The following XPOT variants were observed in gnomAD, a reference collection of about 807,000 sequenced individuals.
XPOT encodes the protein exportin for tRNA.
XPOT carries 34 observed loss-of-function variants against 128.2 expected under a neutral mutation model. That is an observed-to-expected ratio of 0.27 (90% CI 0.20 to 0.35). The LOEUF (loss-of-function observed/expected upper bound fraction) is 0.35, where lower values mean the gene tolerates loss of function less well. Ranked by LOEUF, XPOT falls within the 10% of genes least tolerant of loss-of-function variation. XPOT has a pLI of 1.00. For missense variants in XPOT, 838 were observed against 1,125.3 expected (o/e 0.74, Z 3.65); for synonymous variants, 348 against 394.3 (o/e 0.88, Z 1.39).
intron 23 of XPOT, among the ~76,000 whole-genome samples, chr12:64,439,717 T>C (rs2040310044): frequency 6.6e-6 from 1 of 152,226 alleles, no homozygotes; most frequent in African/African-American, 2.4e-5. Context: ...TCATTGTGTG[T>C]ACACCAAGCT....
intron 15 of XPOT, among the ~76,000 whole-genome samples, chr12:64,427,457 G>C (rs937044811): frequency 2.6e-5 from 4 of 151,884 alleles, no homozygotes; most frequent in Non-Finnish European, 5.9e-5. Flanking sequence ...CTGCTCATCA[G>C]CCAAGTACTT....
At chr12:64,434,975 C>A in intron 21 of XPOT, 66 bp downstream of exon 21, 1 of 1,302,730 alleles carries the variant, frequency 7.7e-7, no homozygotes, top group Non-Finnish European at 1.1e-6. Context: ...TCTTTAATGC[C>A]AGGTTGATTA....
intron 16 of XPOT, among the ~76,000 whole-genome samples, chr12:64,429,556 C>T (rs936096531): frequency 6.6e-6 from 1 of 151,446 alleles, no homozygotes; most frequent in Non-Finnish European, 1.5e-5. Flanking sequence ...AGTTCTCCTG[C>T]CTCAGCCTCC....
At chr12:64,423,331 C>A in intron 11 of XPOT, 87 bp downstream of exon 11, 1 of 907,894 alleles carries the variant, frequency 1.1e-6, no homozygotes, top group Non-Finnish European at 1.6e-6. Context: ...TGTTTCGGGG[C>A]CCTTTAAAAC....
At chr12:64,419,704 C>T (rs1158714277) in intron 6 of XPOT, among the ~76,000 whole-genome samples, 1 of 152,158 alleles carries the variant, frequency 6.6e-6, no homozygotes, top group Non-Finnish European at 1.5e-5. Flanking sequence ...TTTAATACTG[C>T]TATATAGTCC....
At chr12:64,446,623 A>AT (rs144576382) in intron 24 of XPOT, among the ~76,000 whole-genome samples, 24,496 of 143,118 alleles carry the variant, frequency 0.17, 2,044 homozygotes, top group Middle Eastern at 0.27. Context: ...TTGGCACTTA[A>AT]TTTTTTTTTT....
rs1477092785 is a variant in XPOT, at chr12:64,450,710, C to T, written c.*2579C>T. ...CAAAAGCAAGTACTCAAATAATTGTCTCAAGAGAGGAAGGACAAAACTGTT... is the reference window on the plus strand; with the variant it reads ...CAAAAGCAAGTACTCAAATAATTGTTTCAAGAGAGGAAGGACAAAACTGTT... On this transcript the variant is annotated 3_prime_UTR_variant, in exon 25 of 25. Transcript: ENST00000332707. The T allele has an allele frequency of 1.3e-5, 2 of 152,158 alleles. No individual in the cohort carries two copies. Among genetic ancestry groups the T allele is most frequent in the African/African-American group, 4.8e-5 (2 of 41,428 alleles). 9.4% of individuals were successfully genotyped at this position (152,158 alleles called of 1,614,324 possible). A position where few individuals can be genotyped will look rare whatever the true frequency, so the allele number is the denominator to read the frequency against.
intron 23 of XPOT, chr12:64,443,473 G>A (rs1046641230): frequency 2.6e-5 from 4 of 151,684 alleles, no homozygotes; most frequent in African/African-American, 9.7e-5. Context: ...TTTTTATTTT[G>A]AGACAGGGTC....
chr12:64,448,075 G>C (rs374299420), intron 24 of XPOT, 30 bp from the exon 25 acceptor site: 12 of 1,606,942 alleles, frequency 7.5e-6, no homozygotes, highest in Admixed American at 1.7e-5. Flanking sequence ...TCTGACATTA[G>C]TATTGATTGC....
At chr12:64,417,152 G>C (rs936767217) in intron 4 of XPOT, among the ~76,000 whole-genome samples, 15 of 152,212 alleles carry the variant, frequency 9.9e-5, no homozygotes, top group Admixed American at 9.8e-4. Context: ...GGGAGGCGGA[G>C]GTTGCAGTGA....
At position 64,450,553 on chromosome 12, in the gene XPOT, T is replaced by A. The variant is rs1018157019; in HGVS notation, c.*2422T>A. 1 of 152,236 alleles carries A rather than the reference T, an allele frequency of 6.6e-6. No homozygotes were observed. The highest frequency in any genetic ancestry group is 2.4e-5 in the African/African-American group (1 of 41,466). The allele number at this position is 152,236 out of a possible 1,614,324, so 9.4% of individuals were successfully genotyped here. A position where few individuals can be genotyped will look rare whatever the true frequency, so the allele number is the denominator to read the frequency against. ...TATAGAGCTAAGAGAAATCAGGGCA[T>A]GGAAATTGAGTGTGTAATAAAAATT... On this transcript the variant is annotated 3_prime_UTR_variant, in exon 25 of 25. Coordinates refer to ENST00000332707, the MANE Select transcript of XPOT (RefSeq NM_007235.6).
rs61762968 is a variant in XPOT, at chr12:64,433,491, A to G, written c.2340A>G (p.Ala780=). The G allele has an allele frequency of 1.5e-4, 244 of 1,611,372 alleles. 1 individual carries two copies. The African/African-American group carries it at 2.8e-3, about 18-fold the overall frequency. The stretch of plus-strand genomic sequence containing the variant: ...TTTTTGAAGTGCTGCTCCGGCCAGC[A>G]GAAGAAAATGACCAGTCTGCTGCTT... ...HAIFEVLLRP[A]EENDQSAALE... is the part of the protein sequence containing the mutation. Residue 780 remains alanine, a synonymous_variant, in exon 19 of 25, where the codon GCA becomes GCG. Coordinates refer to ENST00000332707, the MANE Select transcript of XPOT (RefSeq NM_007235.6).
chr12:64,408,212 C>T (rs866397628), intron 1 of XPOT, among the ~76,000 whole-genome samples: 13 of 152,108 alleles, frequency 8.5e-5, no homozygotes, highest in African/African-American at 7.2e-5. Context: ...TGGGTTCAAG[C>T]GATTCTCCTG....
At chr12:64,417,643 A>G (rs145187274) in intron 4 of XPOT, among the ~76,000 whole-genome samples, 31 of 152,346 alleles carry the variant, frequency 2.0e-4, no homozygotes, top group Non-Finnish European at 2.5e-4. Flanking sequence ...CTACATGACA[A>G]TTCTCTCTTA....
Position 64,451,038 on chromosome 12 carries a change from T to G in XPOT, c.*2907T>G, listed in dbSNP as rs1238566926. On this transcript the variant is annotated 3_prime_UTR_variant, in exon 25 of 25. Transcript: ENST00000332707. ...TCAAAGAACTGAAATTAGTTGGAAT[T>G]GTAAGCAGTGAATAGATGTGTTGTT... 1 of 152,362 alleles carries G rather than the reference T, an allele frequency of 6.6e-6. No individual in the cohort carries two copies. The allele number at this position is 152,362 out of a possible 1,614,324, so 9.4% of individuals were successfully genotyped here. A position where few individuals can be genotyped will look rare whatever the true frequency, so the allele number is the denominator to read the frequency against.
At chr12:64,422,561 T>A (rs1400387101) in intron 9 of XPOT, among the ~76,000 whole-genome samples, 1 of 152,220 alleles carries the variant, frequency 6.6e-6, no homozygotes, top group Non-Finnish European at 1.5e-5. Flanking sequence ...CAGCTGCTGC[T>A]AAACTGCCCT....
At chr12:64,447,156 C>T (rs2040372727) in intron 24 of XPOT, among the ~76,000 whole-genome samples, 1 of 152,098 alleles carries the variant, frequency 6.6e-6, no homozygotes, top group African/African-American at 2.4e-5. Flanking sequence ...GAAAGACCTG[C>T]CCCCATGATT....
rs573107954 is a variant in XPOT at position 64,449,603 on chromosome 12, T to C, written c.*1472T>C. 5.2e-5 allele frequency: 8 copies of C among 152,386 alleles called. No homozygotes were observed. The highest frequency in any genetic ancestry group is 1.7e-4 in the African/African-American group (7 of 41,594). The allele number at this position is 152,386 out of a possible 1,614,324, so 9.4% of individuals were successfully genotyped here. ...AAAATTCTATTCTAAATTTTGTACA[T>C]TTATTTTGTTCCGGTTAATTCCAGA... On this transcript the variant is annotated 3_prime_UTR_variant, in exon 25 of 25. Coordinates refer to ENST00000332707, the MANE Select transcript of XPOT (RefSeq NM_007235.6).
chr12:64,447,215 G>A (rs543350381), intron 24 of XPOT, among the ~76,000 whole-genome samples: 29 of 152,256 alleles, frequency 1.9e-4, no homozygotes, highest in Admixed American at 1.3e-4. Context: ...AATTATGGGA[G>A]CTACAAGATG....
Sources: gnomAD v4.1 joint callset for allele counts (sites outside exome capture counted in the v4.1 genomes callset) on GRCh38, gnomAD v4.1.1 for gene constraint, MANE v1.5 for transcripts, NCBI Gene and HGNC (gene_info 2026-07-23, HGNC 2026-07-21) for gene names.